MAST4: variants seen among roughly 807,000 people sequenced by gnomAD.
MAST4 encodes microtubule-associated serine/threonine-protein kinase 4.
MAST4 carries 89 observed loss-of-function variants against 162.7 expected under a neutral mutation model. The ratio of observed to expected loss-of-function variants is 0.55; its 90% CI spans 0.46 to 0.65. MAST4 has a LOEUF of 0.65. MAST4 is among the 30% of genes least tolerant of loss of function. The pLI, the probability that MAST4 is intolerant of heterozygous loss-of-function variation, is 0.00. For synonymous variants in MAST4, 1,479 were observed against 1,361.1 expected (o/e 1.09, Z -1.91); for missense variants, 3,153 against 3,374.0 (o/e 0.93, Z 1.62).
At chr5:66,789,661 A>G (rs1982329) in intron 3 of MAST4, 165,490 of 509,742 alleles carry the variant, frequency 0.32, 28,293 homozygotes, top group Non-Finnish European at 0.38. Flanking sequence ...GGCCCATCAC[A>G]TCCATCTGCC....
chr5:66,686,763 C>A (rs945337133), intron 1 of MAST4, among the ~76,000 whole-genome samples: 1 of 152,126 alleles, frequency 6.6e-6, no homozygotes, highest in Non-Finnish European at 1.5e-5. Flanking sequence ...TTGCCCCACC[C>A]CACTATCTTG....
At chr5:66,751,514 C>T (rs542739258) in intron 1 of MAST4, among the ~76,000 whole-genome samples, 35 of 151,990 alleles carry the variant, frequency 2.3e-4, no homozygotes, top group East Asian at 1.2e-3. Flanking sequence ...CCTCAGGAGC[C>T]GATGTGATCA....
intron 5 of MAST4, among the ~76,000 whole-genome samples, chr5:67,068,243 C>A (rs1291145264): frequency 6.6e-6 from 1 of 152,152 alleles, no homozygotes; most frequent in African/African-American, 2.4e-5. Context: ...TTGTATTAGT[C>A]TGTTCTCATG....
Position 67,052,799 on chromosome 5 carries a change from G to A in MAST4, c.675-1605G>A, listed in dbSNP as rs1758347499. ...AACTTCAGTTAATTTGCTGAAAGAAGTTTGCTGACATTTCCAGGACATAAA... is the reference window on the plus strand; with the variant it reads ...AACTTCAGTTAATTTGCTGAAAGAAATTTGCTGACATTTCCAGGACATAAA... On this transcript the variant is annotated intron_variant, in intron 4 of 28. Coordinates refer to ENST00000403625, the MANE Select transcript of MAST4 (RefSeq NM_001164664.2). Among the ~76,000 whole-genome samples the A allele has an allele frequency of 2.0e-5, 3 of 152,112 alleles. No homozygotes were observed. In the South Asian group the frequency reaches 6.2e-4, roughly 32 times the overall value.
intron 5 of MAST4, among the ~76,000 whole-genome samples, chr5:67,087,406 A>G (rs1001086034): frequency 2.6e-5 from 4 of 152,154 alleles, no homozygotes; most frequent in African/African-American, 9.7e-5. Flanking sequence ...AACCTCCAGC[A>G]TCTCTCTCTT....
At chr5:66,979,818 CT>C (rs1748566288) in intron 4 of MAST4, among the ~76,000 whole-genome samples, 1 of 152,234 alleles carries the variant, frequency 6.6e-6, no homozygotes, top group African/African-American at 2.4e-5. Context: ...TGGAGCTCTT[CT>C]AGCCCCGTGG....
rs1418185101 is a variant in MAST4 at position 67,164,360 on chromosome 5, T to A, written c.5181T>A (p.Gly1727=). 2.1e-5 allele frequency: 34 copies of A among 1,613,782 alleles called. No individual in the cohort carries two copies. In the Admixed American group the frequency reaches 5.5e-4, roughly 26 times the overall value. ...CAGGGAACCCAGTCCGACCCACGGG[T>A]GGGCAGCAGGAGCCCCCGCCGGCTT... ...CLPGNPVRPT[G]GQQEPPPASE... Residue 1727 remains glycine, a synonymous_variant, in exon 29 of 29, where the codon GGT becomes GGA. Coordinates refer to ENST00000403625, the MANE Select transcript of MAST4 (RefSeq NM_001164664.2). This position sits in a 1 kb window ranked among gnomAD's most constrained non-coding sequence, Gnocchi z 5.3.
At chr5:66,874,748 A>G (rs1040125976) in intron 3 of MAST4, among the ~76,000 whole-genome samples, 13 of 152,218 alleles carry the variant, frequency 8.5e-5, no homozygotes, top group South Asian at 6.2e-4. Flanking sequence ...TTCTCTAATG[A>G]TAACAAGGTT....
At chr5:66,687,106 G>A (rs563679418) in intron 1 of MAST4, among the ~76,000 whole-genome samples, 2 of 152,066 alleles carry the variant, frequency 1.3e-5, no homozygotes, top group East Asian at 3.9e-4. Flanking sequence ...TAGATTCAGT[G>A]GGTATGTGCA....
chr5:66,881,855 G>A (rs1554063603), intron 3 of MAST4, among the ~76,000 whole-genome samples: 1 of 152,052 alleles, frequency 6.6e-6, no homozygotes, highest in Non-Finnish European at 1.5e-5. Context: ...CAGGCAAAAA[G>A]AAAAACAAGT....
chr5:67,088,453 A>G (rs965322851), intron 5 of MAST4, among the ~76,000 whole-genome samples: 2 of 152,210 alleles, frequency 1.3e-5, no homozygotes, highest in Non-Finnish European at 1.5e-5. Flanking sequence ...CAAAATTTAT[A>G]TGAATATTTC....
intron 4 of MAST4, among the ~76,000 whole-genome samples, chr5:67,036,975 C>T (rs1204783063): frequency 1.3e-5 from 2 of 152,032 alleles, no homozygotes; most frequent in African/African-American, 2.4e-5. Context: ...TCATTGTCAT[C>T]CCAGAAAAAG....
rs6870159 is a variant in MAST4 at position 66,885,857 on chromosome 5, G to A, written c.643-14094G>A. Among the ~76,000 whole-genome samples, 1,152 of 152,174 alleles carry A rather than the reference G, an allele frequency of 7.6e-3. 19 individuals carry two copies. The highest frequency in any genetic ancestry group is 0.026 in the African/African-American group (1,090 of 41,498). On this transcript the variant is annotated intron_variant, in intron 3 of 28. Coordinates refer to ENST00000403625, the MANE Select transcript of MAST4 (RefSeq NM_001164664.2). Reference sequence around the variant, plus strand: ...TATACTTCCAAATTGCAAAACCTTAGGGTTGCAGTGTCAGATTTGTGCATG... The same window carrying A: ...TATACTTCCAAATTGCAAAACCTTAAGGTTGCAGTGTCAGATTTGTGCATG...
At chr5:66,889,115 G>A (rs1257614475) in intron 3 of MAST4, among the ~76,000 whole-genome samples, 3 of 152,162 alleles carry the variant, frequency 2.0e-5, no homozygotes, top group Non-Finnish European at 4.4e-5. Flanking sequence ...AATAAAAGTC[G>A]ATGGTAACTT....
At chr5:66,782,289 CAAAA>C (rs573328157) in intron 2 of MAST4, among the ~76,000 whole-genome samples, 1 of 92,682 alleles carries the variant, frequency 1.1e-5, no homozygotes. Context: ...GACTTCGTCT[CAAAA>C]AAAAAAAAAA....
At chr5:66,775,049 T>C (rs1215804737) in intron 2 of MAST4, among the ~76,000 whole-genome samples, 3 of 150,776 alleles carry the variant, frequency 2.0e-5, no homozygotes, top group South Asian at 2.1e-4. Context: ...GTGTGTGTTT[T>C]CCCCCTGTAG....
intron 3 of MAST4, among the ~76,000 whole-genome samples, chr5:66,834,433 A>AGCTTAGCTGGC (rs1757819504): frequency 6.6e-6 from 1 of 152,158 alleles, no homozygotes; most frequent in Non-Finnish European, 1.5e-5. Flanking sequence ...TGTGCTCCCC[A>AGCTTAGCTGGC]TTAGCAGAAG....
intron 19 of MAST4, among the ~76,000 whole-genome samples, chr5:67,137,290 C>T (rs576566283): frequency 6.6e-6 from 1 of 152,150 alleles, no homozygotes; most frequent in Non-Finnish European, 1.5e-5. Context: ...ACTGTTCTGC[C>T]AGTATTTTAT....
intron 23 of MAST4, among the ~76,000 whole-genome samples, chr5:67,146,892 G>T (rs958813122): frequency 2.6e-4 from 39 of 151,960 alleles, no homozygotes; most frequent in African/African-American, 9.2e-4. Context: ...TAGATATCTT[G>T]GTATTTTCTA....
Sources: allele counts gnomAD v4.1 joint callset (sites outside exome capture counted in the v4.1 genomes callset), GRCh38; gene constraint gnomAD v4.1.1; non-coding constraint Gnocchi (gnomAD v3.1); transcripts MANE v1.5; gene names NCBI Gene and HGNC (gene_info 2026-07-23, HGNC 2026-07-21).